Variants in ASTN1 observed in about 807,000 individuals in gnomAD.
The protein encoded by ASTN1 is astrotactin 1.
In ASTN1, 41 loss-of-function variants were observed where a neutral mutation model predicts 140.7. The observed-to-expected ratio is 0.29, with a 90% CI of 0.23 to 0.38. ASTN1 has a LOEUF of 0.38. Ranked by LOEUF, ASTN1 falls within the 10% of genes least tolerant of loss-of-function variation. The probability of loss-of-function intolerance (pLI) is 1.00; values close to 1 mark genes in which losing one functional copy is unlikely to be tolerated. For missense variants in ASTN1, 1,479 were observed against 1,678.8 expected (o/e 0.88, Z 2.08); for synonymous variants, 640 against 652.2 (o/e 0.98, Z 0.29).
chr1:177,078,182 C>T (rs1363098051), intron 1 of ASTN1, among the ~76,000 whole-genome samples: 1 of 152,126 alleles, frequency 6.6e-6, no homozygotes, highest in African/African-American at 2.4e-5. Flanking sequence ...GGGCACATTA[C>T]TGCAATGCAG....
At chr1:176,997,982 A>G (rs981073085) in intron 8 of ASTN1, among the ~76,000 whole-genome samples, 1 of 152,208 alleles carries the variant, frequency 6.6e-6, no homozygotes, top group Non-Finnish European at 1.5e-5. Flanking sequence ...AGTGTGATCA[A>G]GAACAAGCAG....
intron 16 of ASTN1, among the ~76,000 whole-genome samples, chr1:176,926,918 C>T (rs1365711188): frequency 6.6e-6 from 1 of 152,186 alleles, no homozygotes; most frequent in Non-Finnish European, 1.5e-5. Flanking sequence ...GATTAGAAGG[C>T]TGATTGCTGA....
chr1:177,132,583 G>A (rs1331277349), intron 1 of ASTN1, among the ~76,000 whole-genome samples: 1 of 152,140 alleles, frequency 6.6e-6, no homozygotes, highest in Non-Finnish European at 1.5e-5. Context: ...CCCAAGTCTG[G>A]AAGCTGTAAT....
chr1:177,007,485 G>A (rs1675055782), intron 8 of ASTN1, among the ~76,000 whole-genome samples: 1 of 152,178 alleles, frequency 6.6e-6, no homozygotes, highest in South Asian at 2.1e-4. Flanking sequence ...AAAGTTAACT[G>A]ATAAAAGGAT....
chr1:177,061,515 A>T (rs1678089874), intron 1 of ASTN1, among the ~76,000 whole-genome samples: 1 of 152,186 alleles, frequency 6.6e-6, no homozygotes, highest in Non-Finnish European at 1.5e-5. Flanking sequence ...CACCCATCGA[A>T]AAAAATATCA....
chr1:177,061,622 C>T (rs758528181), intron 1 of ASTN1, among the ~76,000 whole-genome samples: 4 of 152,102 alleles, frequency 2.6e-5, no homozygotes, highest in South Asian at 2.1e-4. Context: ...AGGTTGTTTG[C>T]CTCTTGTAAA....
At chr1:177,050,378 T>TA (rs1232967626) in intron 2 of ASTN1, among the ~76,000 whole-genome samples, 4 of 152,326 alleles carry the variant, frequency 2.6e-5, no homozygotes, top group Non-Finnish European at 5.9e-5. Context: ...AGGCCCCAGA[T>TA]ACGATTCTGT....
chr1:177,028,685 A>G (rs1343977120), intron 5 of ASTN1, among the ~76,000 whole-genome samples: 1 of 152,244 alleles, frequency 6.6e-6, no homozygotes, highest in Non-Finnish European at 1.5e-5. Flanking sequence ...GGGGCACTGT[A>G]TAAATATGGG....
intron 1 of ASTN1, among the ~76,000 whole-genome samples, chr1:177,114,216 G>A (rs574098758): frequency 6.6e-6 from 1 of 152,258 alleles, no homozygotes; most frequent in South Asian, 2.1e-4. Context: ...ATTTCCTTAT[G>A]CATCAAAGGA....
intron 2 of ASTN1, among the ~76,000 whole-genome samples, chr1:177,039,070 T>C (rs1037944191): frequency 6.6e-6 from 1 of 152,214 alleles, no homozygotes; most frequent in Non-Finnish European, 1.5e-5. Flanking sequence ...CTGGGCTTTC[T>C]GAACCCTTGG....
intron 16 of ASTN1, among the ~76,000 whole-genome samples, chr1:176,918,528 C>T (rs1670590145): frequency 6.6e-6 from 1 of 152,196 alleles, no homozygotes; most frequent in South Asian, 2.1e-4. Context: ...ATCAACTACT[C>T]AAGCAAATAT....
Position 176,864,409 on chromosome 1 carries a change from G to T in ASTN1, c.3760C>A (p.Arg1254Ser). Residue 1254 changes from arginine to serine, a missense_variant, in exon 23 of 23, where the codon CGC becomes AGC. Around this residue, in one of 3 missense-constraint regions of ASTN1, gnomAD observed 746 missense variants for 800.9 expected, o/e 0.93. Coordinates refer to ENST00000361833, the MANE Select transcript of ASTN1 (RefSeq NM_004319.3). ...CCGTAGGGTTTGATCTCGCTGTAGC[G>T]GCACCCCAGGTACTTGAGTGAGCTG... ...RRSSLKYLGC[R>S]YSEIKPYGLD... is the part of the protein sequence containing the mutation. 1.2e-6 allele frequency: 2 copies of T among 1,614,040 alleles called. No homozygotes were observed. Among genetic ancestry groups the T allele is most frequent in the Non-Finnish European group, 1.7e-6 (2 of 1,179,998 alleles).
chr1:176,916,039 T>C (rs140427903), intron 16 of ASTN1, among the ~76,000 whole-genome samples: 6 of 152,298 alleles, frequency 3.9e-5, no homozygotes, highest in Non-Finnish European at 8.8e-5. Context: ...TGGCTTTCAA[T>C]GGAAAAATCA....
At chr1:177,162,374 T>C (rs1056677190) in intron 1 of ASTN1, among the ~76,000 whole-genome samples, 3 of 152,152 alleles carry the variant, frequency 2.0e-5, no homozygotes, top group Non-Finnish European at 2.9e-5. Context: ...ATCGATGCAT[T>C]TAAATAGTGC....
At position 176,942,851 on chromosome 1, in the gene ASTN1, TATATATATATATATA is replaced by T. The variant is rs1438962231; in HGVS notation, c.2377+1025_2377+1039del. Among the ~76,000 whole-genome samples the T allele has an allele frequency of 2.3e-4, 21 of 89,720 alleles. 3 individuals are homozygous for T. Among genetic ancestry groups the T allele is most frequent in the Non-Finnish European group, 3.6e-4 (15 of 42,072 alleles). The allele number at this position is 89,720 out of a possible 152,430, so 58.9% of individuals were successfully genotyped here. The stretch of plus-strand genomic sequence containing the variant: ...ATATATATATGTATATATATATATA[TATATATATATATATA>T]GATTGATGTCTCATGTCTCCTTAAA... On this transcript the variant is annotated intron_variant, in intron 14 of 22. Coordinates refer to ENST00000361833, the MANE Select transcript of ASTN1 (RefSeq NM_004319.3).
chr1:177,108,902 G>C (rs1173836078), intron 1 of ASTN1, among the ~76,000 whole-genome samples: 1 of 152,116 alleles, frequency 6.6e-6, no homozygotes, highest in African/African-American at 2.4e-5. Flanking sequence ...AAGAATGGAT[G>C]AGATCATCTA....
At chr1:177,056,010 G>T (rs1455600867) in intron 2 of ASTN1, among the ~76,000 whole-genome samples, 1 of 152,172 alleles carries the variant, frequency 6.6e-6, no homozygotes, top group African/African-American at 2.4e-5. Flanking sequence ...ATTGGAAGCG[G>T]CTGTGCTCTA....
At chr1:177,014,955 A>C in intron 7 of ASTN1, 80 bp from the exon 8 acceptor site, 1 of 1,328,794 alleles carries the variant, frequency 7.5e-7, no homozygotes, top group South Asian at 1.2e-5. Context: ...AATTAACATG[A>C]AATAGTCAGG....
At chr1:176,988,847 C>G (rs1211961393) in intron 8 of ASTN1, among the ~76,000 whole-genome samples, 1 of 152,098 alleles carries the variant, frequency 6.6e-6, no homozygotes, top group East Asian at 1.9e-4. Context: ...GATGCATAGC[C>G]TAGATATAAT....
Sources: allele counts gnomAD v4.1 joint callset (sites outside exome capture counted in the v4.1 genomes callset), GRCh38; gene constraint gnomAD v4.1.1; regional missense constraint gnomAD v4.1.1; transcripts MANE v1.5; gene names NCBI Gene and HGNC (gene_info 2026-07-23, HGNC 2026-07-21).